CD109: variants seen among roughly 807,000 people sequenced by gnomAD.
CD109 encodes the protein CD109 antigen.
CD109 carries 149 observed loss-of-function variants against 165.8 expected under a neutral mutation model. The ratio of observed to expected loss-of-function variants is 0.90; its 90% CI spans 0.79 to 1.03. CD109 has a LOEUF of 1.03. CD109 is among the 50% of genes least tolerant of loss of function. CD109 has a pLI of 0.00. For synonymous variants in CD109, 585 were observed against 592.1 expected (o/e 0.99, Z 0.18); for missense variants, 1,712 against 1,677.8 (o/e 1.02, Z -0.36).
chr6:73,774,803 G>T (rs535462614), intron 15 of CD109, among the ~76,000 whole-genome samples: 4 of 152,266 alleles, frequency 2.6e-5, no homozygotes, highest in Admixed American at 2.0e-4. Context: ...TTTCTCCCAA[G>T]ACCAATTCAA....
In CD109 at chr6:73,818,419, C is replaced by T. The variant is rs146638729; in HGVS notation, c.3943C>T (p.Leu1315Phe). ...FSGPGRSGMA[L>F]MEVNLLSGFM... is the part of the protein sequence containing the mutation. The stretch of plus-strand genomic sequence containing the variant: ...GGGCCCGGGTAGGAGTGGCATGGCT[C>T]TTATGGAAGTTAACCTATTAAGTGG... Residue 1315 changes from leucine (L) to phenylalanine (F), a missense_variant, in exon 31 of 33, where the codon CTT (leucine) becomes TTT (phenylalanine). Coordinates refer to ENST00000287097, the MANE Select transcript of CD109 (RefSeq NM_133493.5). 3 of 1,613,848 alleles carry T rather than the reference C, an allele frequency of 1.9e-6. No individual in the cohort carries two copies. The highest frequency in any genetic ancestry group is 1.3e-5 in the African/African-American group (1 of 74,990).
intron 32 of CD109, among the ~76,000 whole-genome samples, chr6:73,822,484 C>T (rs1252838112): frequency 1.3e-5 from 2 of 152,168 alleles, no homozygotes; most frequent in East Asian, 3.8e-4. Flanking sequence ...AGGGTTCACC[C>T]AGGTTCTTGT....
At chr6:73,802,829 A>G (rs1307523396) in intron 23 of CD109, among the ~76,000 whole-genome samples, 1 of 151,652 alleles carries the variant, frequency 6.6e-6, no homozygotes, top group East Asian at 1.9e-4. Context: ...CCTCCCGAGT[A>G]GCTGGGATTA....
chr6:73,749,047 T>G (rs1437483484), intron 5 of CD109, among the ~76,000 whole-genome samples: 1 of 152,084 alleles, frequency 6.6e-6, no homozygotes, highest in Non-Finnish European at 1.5e-5. Flanking sequence ...CATAGTCAGG[T>G]TAGTAGGGAT....
At chr6:73,773,567 C>G (rs974772952) in intron 15 of CD109, among the ~76,000 whole-genome samples, 6 of 151,996 alleles carry the variant, frequency 3.9e-5, no homozygotes, top group Non-Finnish European at 5.9e-5. Flanking sequence ...GTTATGCGTT[C>G]TATTTTTGTT....
In CD109 at chr6:73,808,171, C is replaced by A. The variant is rs757384906; in HGVS notation, c.3278C>A (p.Thr1093Asn). 6.2e-7 allele frequency: 1 copy of A among 1,613,536 alleles called. No homozygotes were observed. The highest frequency in any genetic ancestry group is 8.5e-7 in the Non-Finnish European group (1 of 1,179,642). ...GACAATTATACTCTAGCCCTTATAA[C>A]TTATGCATTGTCATCAGTGGGGAGT... ...ISDNYTLALI[T>N]YALSSVGSPK... The change falls in exon 26 of 33, where the codon ACT (threonine) becomes AAT (asparagine). Residue 1093 changes from threonine to asparagine, a missense_variant. By Grantham distance (65) the Thr-to-Asn change is moderately conservative. Coordinates refer to ENST00000287097, the MANE Select transcript of CD109 (RefSeq NM_133493.5).
chr6:73,810,661 A>T (rs1027377346), intron 27 of CD109, among the ~76,000 whole-genome samples: 7 of 142,242 alleles, frequency 4.9e-5, no homozygotes, highest in African/African-American at 1.8e-4. Flanking sequence ...ATTTAGTAAC[A>T]TTGTGGTATA....
chr6:73,763,861 CT>C (rs1773734739), intron 10 of CD109, among the ~76,000 whole-genome samples, 176 bp downstream of exon 10: 1 of 152,104 alleles, frequency 6.6e-6, no homozygotes, highest in African/African-American at 2.4e-5. Flanking sequence ...TCTATTTTTT[CT>C]AAAAAAGTAG....
chr6:73,720,777 G>A (rs936377489), intron 2 of CD109, among the ~76,000 whole-genome samples: 3 of 152,180 alleles, frequency 2.0e-5, no homozygotes, highest in African/African-American at 4.8e-5. Context: ...GAATAACAGC[G>A]TCAACTGGGA....
At chr6:73,789,620 ATTTTTT>A (rs58908406) in intron 22 of CD109, among the ~76,000 whole-genome samples, 1 of 147,960 alleles carries the variant, frequency 6.8e-6, no homozygotes, top group Non-Finnish European at 1.5e-5. Context: ...TGCCTGGCTA[ATTTTTT>A]TTTTTTGTAT....
rs1432870461 is a variant in CD109 at position 73,808,197 on chromosome 6, C to T, written c.3304C>T (p.Pro1102Ser). 1.2e-6 allele frequency: 2 copies of T among 1,613,432 alleles called. No individual in the cohort carries two copies. The highest frequency in any genetic ancestry group is 1.7e-6 in the Non-Finnish European group (2 of 1,179,616). Residue 1102 changes from proline to serine, a missense_variant, in exon 26 of 33, where the codon CCT (proline) becomes TCT (serine). By Grantham distance (74) the Pro-to-Ser change is moderately conservative (BLOSUM62 -1). Transcript: ENST00000287097. Reference protein sequence around the residue: ...ITYALSSVGSPKAKEALNMLT... With the variant: ...ITYALSSVGSSKAKEALNMLT... ...TTATGCATTGTCATCAGTGGGGAGT[C>T]CTAAAGCGAAGGAAGCTTTGAATAT...
chr6:73,738,868 C>T (rs79321303), intron 5 of CD109, among the ~76,000 whole-genome samples: 6,715 of 152,234 alleles, frequency 0.044, 524 homozygotes, highest in African/African-American at 0.15. Flanking sequence ...TCCTTATTCT[C>T]GCTACTTGCT....
chr6:73,692,313 T>C (rs532517153), upstream of CD109, among the ~76,000 whole-genome samples: 62 of 152,286 alleles, frequency 4.1e-4, no homozygotes, highest in African/African-American at 1.5e-3. Context: ...ATAGATGATA[T>C]TTTTGGTATC....
At chr6:73,793,742 T>A (rs953381941) in intron 23 of CD109, among the ~76,000 whole-genome samples, 3 of 152,220 alleles carry the variant, frequency 2.0e-5, no homozygotes, top group Non-Finnish European at 4.4e-5. Context: ...GTTTTGTATT[T>A]CCTTATTAGT....
intron 26 of CD109, among the ~76,000 whole-genome samples, 183 bp from the exon 27 acceptor site, chr6:73,809,801 A>G (rs904987569): frequency 1.3e-5 from 2 of 152,144 alleles, no homozygotes; most frequent in Non-Finnish European, 2.9e-5. Context: ...ACATGTATAC[A>G]TATGTATGTG....
Position 73,785,479 on chromosome 6 carries a change from T to C in CD109, c.2337+2T>C, listed in dbSNP as rs1311716852. ...AATTATTTGAAAGATGCCACTGAGG[T>C]AATGTATTCAAGCTTTTGTTGATCA... On this transcript the variant is annotated splice_donor_variant, in intron 20 of 32. Coordinates refer to ENST00000287097, the MANE Select transcript of CD109 (RefSeq NM_133493.5). LOFTEE classifies it high-confidence loss of function. 1 of 1,477,606 alleles carries C rather than the reference T, an allele frequency of 6.8e-7. No individual in the cohort carries two copies. Among genetic ancestry groups the C allele is most frequent in the Non-Finnish European group, 9.4e-7 (1 of 1,063,934 alleles). 91.5% of individuals were successfully genotyped at this position (1,477,606 alleles called of 1,614,324 possible).
At chr6:73,711,551 T>TTTTTTTTTTTTTTTTAAG (rs1771540069) in intron 2 of CD109, among the ~76,000 whole-genome samples, 1 of 28,042 alleles carries the variant, frequency 3.6e-5, no homozygotes. Context: ...TTTTTTTTTT[T>TTTTTTTTTTTTTTTTAAG]GAGACGGAGT....
chr6:73,820,448 T>C lies in CD109; in HGVS notation c.4060-13T>C. ...GTGTGCCAACCCCTTAAGACTCTTT[T>C]GTATTTCTCAAGGTAAATGAAACCC... On this transcript the variant is annotated splice_polypyrimidine_tract_variant and intron_variant, in intron 31 of 32. Coordinates refer to ENST00000287097, the MANE Select transcript of CD109 (RefSeq NM_133493.5). 6.7e-7 allele frequency: 1 copy of C among 1,500,900 alleles called. No individual in the cohort carries two copies. The allele number at this position is 1,500,900 out of a possible 1,614,324, so 93.0% of individuals were successfully genotyped here. A position where few individuals can be genotyped will look rare whatever the true frequency, so the allele number is the denominator to read the frequency against.
At chr6:73,807,271 A>T (rs1582192780) in intron 25 of CD109, among the ~76,000 whole-genome samples, 199 bp downstream of exon 25, 1 of 152,226 alleles carries the variant, frequency 6.6e-6, no homozygotes, top group South Asian at 2.1e-4. Flanking sequence ...CTCTTTCAGA[A>T]TAACTAAGAG....
Sources: gnomAD v4.1 joint callset for allele counts (sites outside exome capture counted in the v4.1 genomes callset) on GRCh38, gnomAD v4.1.1 for gene constraint, MANE v1.5 for transcripts, NCBI Gene and HGNC (gene_info 2026-07-23, HGNC 2026-07-21) for gene names.